Variants in TMEM132C observed in about 807,000 individuals in gnomAD.
TMEM132C encodes protein phosphatase 1, regulatory subunit 152.
In TMEM132C, 29 loss-of-function variants were observed where a neutral mutation model predicts 61.4. The observed-to-expected ratio is 0.47, with a 90% confidence interval of 0.35 to 0.64. TMEM132C has a LOEUF of 0.64. TMEM132C is among the 30% of genes least tolerant of loss of function. The probability of loss-of-function intolerance (pLI) is 0.00; values close to 1 mark genes in which losing one functional copy is unlikely to be tolerated. For synonymous variants in TMEM132C, 656 were observed against 633.1 expected, an observed-to-expected ratio of 1.04 and a Z score of -0.54; for missense variants, 1,408 against 1,476.9, an observed-to-expected ratio of 0.95 and a Z score of 0.76.
At chr12:128,681,706 T>G (rs994555628) in intron 5 of TMEM132C, among the ~76,000 whole-genome samples, 1 of 146,098 alleles carries the variant, frequency 6.8e-6, no homozygotes, top group Admixed American at 7.0e-5. Context: ...CAGGCTGGAG[T>G]GCAGTGGCAT....
intron 1 of TMEM132C, among the ~76,000 whole-genome samples, chr12:128,280,390 G>C (rs1870852129): frequency 6.6e-6 from 1 of 152,040 alleles, no homozygotes; most frequent in South Asian, 2.1e-4. Context: ...ATATAGGAGG[G>C]GCTCCTTCCT....
intron 5 of TMEM132C, among the ~76,000 whole-genome samples, chr12:128,689,849 C>T (rs573612255): frequency 6.6e-6 from 1 of 152,338 alleles, no homozygotes; most frequent in East Asian, 1.9e-4. Flanking sequence ...CCACCCCAGA[C>T]CTGCTGAATC....
chr12:128,436,178 C>T lies in TMEM132C; in HGVS notation c.974+20558C>T, dbSNP rs1310125740. Among the ~76,000 whole-genome samples the T allele has an allele frequency of 2.6e-5, 4 of 152,122 alleles. No individual in the cohort carries two copies. The East Asian group carries it at 7.7e-4, about 29-fold the overall frequency. On this transcript the variant is annotated intron_variant, in intron 2 of 8. Transcript: ENST00000435159. ...ATGGATTAAAGACTTAAATGTTAGA[C>T]CTAAAACCATAAAAACCCTAGAAGA...
intron 3 of TMEM132C, among the ~76,000 whole-genome samples, chr12:128,586,727 G>A (rs1000111980): frequency 6.6e-5 from 10 of 152,342 alleles, no homozygotes; most frequent in African/African-American, 2.4e-4. Flanking sequence ...CGGGAAGGAA[G>A]ATGTTTGTCT....
At chr12:128,435,360 G>A (rs1054237626) in intron 2 of TMEM132C, among the ~76,000 whole-genome samples, 1 of 152,152 alleles carries the variant, frequency 6.6e-6, no homozygotes, top group East Asian at 1.9e-4. Context: ...AAGTCAAATT[G>A]TCCCTGTTCA....
chr12:128,630,772 C>T lies in TMEM132C; in HGVS notation c.1305+14437C>T, dbSNP rs1280373163. Among the ~76,000 whole-genome samples, 2 of 152,202 alleles carry T rather than the reference C, an allele frequency of 1.3e-5. No homozygotes were observed. The highest frequency in any genetic ancestry group is 2.4e-5 in the African/African-American group (1 of 41,452). On this transcript the variant is annotated intron_variant, in intron 4 of 8. Transcript: ENST00000435159. The surrounding 1 kb of genome is among the most constrained non-coding windows in gnomAD (Gnocchi z 4.3). ...TGTGTGGGCCGGGCACGGTGGCTCA[C>T]GCCTGTAATCCCAGCACTTTGGGAG... is the stretch of plus-strand genomic sequence containing the variant.
chr12:128,382,183 G>A (rs1166953478), intron 1 of TMEM132C, among the ~76,000 whole-genome samples: 2 of 152,064 alleles, frequency 1.3e-5, no homozygotes, highest in Non-Finnish European at 2.9e-5. Flanking sequence ...AGCTTGGCAC[G>A]AGCTCCCGGA....
intron 3 of TMEM132C, among the ~76,000 whole-genome samples, chr12:128,552,193 C>G (rs1040246615): frequency 6.6e-6 from 1 of 152,190 alleles, no homozygotes; most frequent in African/African-American, 2.4e-5. Flanking sequence ...ACTTATGTGT[C>G]TCAAGTTTCT....
chr12:128,676,924 C>T (rs1016644037), intron 5 of TMEM132C, among the ~76,000 whole-genome samples: 1 of 152,226 alleles, frequency 6.6e-6, no homozygotes. Flanking sequence ...GGAGTCATAA[C>T]ATCTGAATGG....
chr12:128,548,096 G>C (rs1874025445), intron 3 of TMEM132C, among the ~76,000 whole-genome samples: 1 of 152,168 alleles, frequency 6.6e-6, no homozygotes, highest in Non-Finnish European at 1.5e-5. Context: ...GGCAGCTAGT[G>C]GTTAAACACG....
At chr12:128,633,019 G>T (rs1285511711) in intron 4 of TMEM132C, among the ~76,000 whole-genome samples, 3 of 152,186 alleles carry the variant, frequency 2.0e-5, no homozygotes, top group Admixed American at 6.5e-5. Flanking sequence ...TCAGGAGCAG[G>T]TCTGTGGGGT....
intron 1 of TMEM132C, among the ~76,000 whole-genome samples, chr12:128,293,088 G>A (rs970803284): frequency 6.6e-6 from 1 of 152,064 alleles, no homozygotes; most frequent in African/African-American, 2.4e-5. Flanking sequence ...GAACGGTAAG[G>A]AGTGTGCAAA....
chr12:128,597,028 GC>G (rs780235529), intron 3 of TMEM132C, among the ~76,000 whole-genome samples: 1 of 152,214 alleles, frequency 6.6e-6, no homozygotes, highest in East Asian at 1.9e-4. Context: ...TTTCAACAGT[GC>G]CCCCCTAGAA....
chr12:128,362,211 C>T (rs1183443091), intron 1 of TMEM132C, among the ~76,000 whole-genome samples: 4 of 151,996 alleles, frequency 2.6e-5, no homozygotes, highest in African/African-American at 7.2e-5. Flanking sequence ...AATATAAAAA[C>T]CTCACAATAG....
chr12:128,501,589 TGC>T (rs1359905582), intron 2 of TMEM132C, among the ~76,000 whole-genome samples: 40 of 152,304 alleles, frequency 2.6e-4, no homozygotes, highest in African/African-American at 9.4e-4. Flanking sequence ...GGCTGTGACG[TGC>T]TCTACCAGAA....
chr12:128,587,204 G>A (rs1339691504), intron 3 of TMEM132C, among the ~76,000 whole-genome samples: 1 of 152,216 alleles, frequency 6.6e-6, no homozygotes, highest in African/African-American at 2.4e-5. Context: ...GTTCATCCAG[G>A]CTGTTATAAT....
intron 8 of TMEM132C, among the ~76,000 whole-genome samples, chr12:128,698,465 G>A (rs780629900): frequency 6.6e-5 from 10 of 152,164 alleles, no homozygotes; most frequent in African/African-American, 1.4e-4. Context: ...AGCTGTGTCC[G>A]TTACCACCTA....
chr12:128,479,367 GA>G, intron 2 of TMEM132C, among the ~76,000 whole-genome samples: 1 of 151,908 alleles, frequency 6.6e-6, no homozygotes, highest in Admixed American at 6.5e-5. Context: ...AAAAGTTAAG[GA>G]AAAAAAAGAG....
chr12:128,332,268 G>A (rs1472274342), intron 1 of TMEM132C, among the ~76,000 whole-genome samples: 1 of 152,196 alleles, frequency 6.6e-6, no homozygotes, highest in East Asian at 1.9e-4. Context: ...GATGGAGAAA[G>A]GTGATTTGTT....
Sources: gnomAD v4.1 joint callset for allele counts (sites outside exome capture counted in the v4.1 genomes callset) on GRCh38, gnomAD v4.1.1 for gene constraint, Gnocchi (gnomAD v3.1) non-coding constraint, MANE v1.5 for transcripts, NCBI Gene and HGNC (gene_info 2026-07-23, HGNC 2026-07-21) for gene names.